The following OASL variants were observed in gnomAD, a reference collection of about 807,000 sequenced individuals.
The protein encoded by OASL is 2'-5'-oligoadenylate synthase-like protein.
Under a neutral mutation model 35.3 loss-of-function variants are expected in OASL, and 28 were observed. That is an observed-to-expected ratio of 0.79 (90% CI 0.59 to 1.09). The LOEUF (loss-of-function observed/expected upper bound fraction) is 1.09. Among genes scored for constraint, OASL ranks in the 50% least tolerant of loss-of-function variants. The pLI is 0.00. For missense variants in OASL, 620 were observed against 635.2 expected (o/e 0.98, Z 0.26); for synonymous variants, 252 against 254.6 (o/e 0.99, Z 0.10).
intron 4 of OASL, among the ~76,000 whole-genome samples, chr12:121,025,790 CA>C (rs1399882628): frequency 2.0e-5 from 3 of 150,132 alleles, no homozygotes; most frequent in African/African-American, 7.3e-5. Flanking sequence ...CAAAAACAAA[CA>C]AAAAAAACCC....
exon 6 of OASL, chr12:121,020,903 G>A (rs1414248850): frequency 1.2e-6 from 2 of 1,614,198 alleles, no homozygotes; most frequent in Admixed American, 3.3e-5. Context: ...GCCTCTCACT[G>A]CCAGGAACCT....
At chr12:121,019,720 A>G (rs1869154964) in exon 6 of OASL, 1 of 152,236 alleles carries the variant, frequency 6.6e-6, no homozygotes, top group African/African-American at 2.4e-5. Context: ...AACTTGCTAT[A>G]GCAAAGGAAC....
At chr12:121,028,625 C>A (rs1352498542) in intron 3 of OASL, among the ~76,000 whole-genome samples, 1 of 134,550 alleles carries the variant, frequency 7.4e-6, no homozygotes, top group Admixed American at 7.4e-5. Flanking sequence ...CCGCCCCCCC[C>A]GCCCGCCCCC....
At chr12:121,032,301 C>G (rs1339175674) in intron 2 of OASL, among the ~76,000 whole-genome samples, 1 of 152,152 alleles carries the variant, frequency 6.6e-6, no homozygotes, top group Non-Finnish European at 1.5e-5. Context: ...CAGATCCTGT[C>G]TCTTATACCT....
chr12:121,030,930 C>T (rs565811714), intron 3 of OASL, among the ~76,000 whole-genome samples: 55 of 151,698 alleles, frequency 3.6e-4, no homozygotes, highest in Non-Finnish European at 5.2e-4. Flanking sequence ...GAGACCACTT[C>T]GAAACCAGGC....
At chr12:121,018,441 G>A (rs762471537), downstream of OASL, among the ~76,000 whole-genome samples, 3 of 151,834 alleles carry the variant, frequency 2.0e-5, no homozygotes, top group Non-Finnish European at 2.9e-5. Context: ...GTGGCCTTGC[G>A]CCTTGGGACC....
Position 121,021,072 on chromosome 12 carries a change from G to A in OASL, c.1048-14C>T. 1 of 1,546,256 alleles carries A rather than the reference G, an allele frequency of 6.5e-7. No individual in the cohort carries two copies. The highest frequency in any genetic ancestry group is 2.3e-5 in the East Asian group (1 of 44,436). On this transcript the variant is annotated splice_polypyrimidine_tract_variant and intron_variant, in intron 5 of 5. Coordinates refer to ENST00000257570, the Ensembl canonical transcript of OASL. ...GTCTCGTGCCCTCTGGAAGGGAGAG[G>A]GAGAAGGAGAGGTGTTAAGTCCACA...
intron 1 of OASL, 101 bp from the exon 2 acceptor site, chr12:121,033,844 G>T: frequency 7.9e-7 from 1 of 1,269,086 alleles, no homozygotes; most frequent in Non-Finnish European, 1.1e-6. Context: ...CTCACCACCC[G>T]CTGAGGGATG....
chr12:121,021,780 C>T (rs1869248024), intron 5 of OASL, among the ~76,000 whole-genome samples: 1 of 152,066 alleles, frequency 6.6e-6, no homozygotes, highest in African/African-American at 2.4e-5. Flanking sequence ...CACTGCACTC[C>T]AGCCTGGGCA....
In OASL at chr12:121,027,836, A is replaced by G. The variant is rs749860137; in HGVS notation, c.658-19T>C. On this transcript the variant is annotated intron_variant, in intron 3 of 5. Transcript: ENST00000257570. ...TCACATACTGTTGAAAGAGATGGGAAGACAGAGAGAGAGAGACCCTAAGAT... is the reference window on the plus strand; with the variant it reads ...TCACATACTGTTGAAAGAGATGGGAGGACAGAGAGAGAGAGACCCTAAGAT... 5 of 1,600,350 alleles carry G rather than the reference A, an allele frequency of 3.1e-6. No homozygotes were observed. The Admixed American group carries it at 8.4e-5, about 27-fold the overall frequency.
chr12:121,027,616 T>C (rs1869542750), exon 4 of OASL: 1 of 1,613,214 alleles, frequency 6.2e-7, no homozygotes, highest in South Asian at 1.1e-5. Context: ...TCCTCAATGA[T>C]TGCATTGTGG....
At chr12:121,023,038 C>A (rs1206713526) in intron 5 of OASL, among the ~76,000 whole-genome samples, 1 of 152,116 alleles carries the variant, frequency 6.6e-6, no homozygotes, top group South Asian at 2.1e-4. Flanking sequence ...CTGAGACAGA[C>A]CTTGGACAAG....
chr12:121,019,187 T>G (rs1869140279), exon 6 of OASL: 1 of 152,150 alleles, frequency 6.6e-6, no homozygotes, highest in South Asian at 2.1e-4. Flanking sequence ...CTGGGCATTA[T>G]GAAGGACACA....
intron 3 of OASL, among the ~76,000 whole-genome samples, chr12:121,030,525 A>T (rs894245923): frequency 2.6e-5 from 4 of 152,124 alleles, no homozygotes; most frequent in African/African-American, 9.7e-5. Context: ...TATTGGATCA[A>T]ATCTTTCCTT....
chr12:121,018,427 G>A (rs1869111694), downstream of OASL, among the ~76,000 whole-genome samples: 1 of 151,988 alleles, frequency 6.6e-6, no homozygotes, highest in Non-Finnish European at 1.5e-5. Context: ...TGCTGCTGGC[G>A]CGAGTGGCCT....
intron 1 of OASL, among the ~76,000 whole-genome samples, chr12:121,035,623 T>C (rs915357740): frequency 6.6e-6 from 1 of 152,028 alleles, no homozygotes; most frequent in Admixed American, 6.6e-5. Flanking sequence ...ACTGAGGCAG[T>C]GAGGAGCTTG....
intron 4 of OASL, 31 bp from the exon 5 acceptor site, chr12:121,024,168 A>T (rs770609999): frequency 1.2e-6 from 2 of 1,608,032 alleles, no homozygotes; most frequent in Non-Finnish European, 1.7e-6. Context: ...GCCCAGGCTC[A>T]TAATGGTTTG....
At chr12:121,023,910 G>A (rs1369223874) in intron 5 of OASL, 80 bp downstream of exon 5, 2 of 1,540,486 alleles carry the variant, frequency 1.3e-6, no homozygotes, top group East Asian at 2.3e-5. Context: ...CATCAACACA[G>A]AACTGAATGA....
At chr12:121,018,510 C>T (rs370472875), downstream of OASL, among the ~76,000 whole-genome samples, 13 of 151,990 alleles carry the variant, frequency 8.6e-5, no homozygotes, top group African/African-American at 3.1e-4. Flanking sequence ...TCAGGCCCCA[C>T]GGAGAATCTT....
Sources: gnomAD v4.1 joint callset for allele counts (sites outside exome capture counted in the v4.1 genomes callset) on GRCh38, gnomAD v4.1.1 for gene constraint, MANE v1.5 for transcripts, NCBI Gene and HGNC (gene_info 2026-07-23, HGNC 2026-07-21) for gene names.